Variants in ZNF804A observed in about 807,000 individuals in gnomAD.
The protein encoded by ZNF804A is zinc finger protein 804A.
Under a neutral mutation model 16.5 loss-of-function variants are expected in ZNF804A, and 2 were observed. The ratio of observed to expected loss-of-function variants is 0.12; its 90% confidence interval spans 0.05 to 0.38. The LOEUF (loss-of-function observed/expected upper bound fraction) is 0.38, where lower values mean the gene tolerates loss of function less well. Among genes scored for constraint, ZNF804A ranks in the 10% least tolerant of loss-of-function variants. ZNF804A has a pLI of 0.99. For missense variants in ZNF804A, 1,473 were observed against 1,390.7 expected (o/e 1.06, Z -0.94); for synonymous variants, 534 against 489.6 (o/e 1.09, Z -1.20).
intron 1 of ZNF804A, among the ~76,000 whole-genome samples, chr2:184,612,449 TG>T (rs368901393): frequency 0.036 from 5,322 of 148,602 alleles, 301 homozygotes; most frequent in African/African-American, 0.12. Flanking sequence ...TTTTTTTTTT[TG>T]GGGGGGGGAC....
chr2:184,736,462 A>C (rs1434504571), intron 1 of ZNF804A, among the ~76,000 whole-genome samples: 1 of 152,166 alleles, frequency 6.6e-6, no homozygotes, highest in Non-Finnish European at 1.5e-5. Flanking sequence ...GACGTGGATG[A>C]AGCTGGAAAT....
intron 1 of ZNF804A, among the ~76,000 whole-genome samples, chr2:184,767,027 C>A (rs967783884): frequency 1.3e-5 from 2 of 152,052 alleles, no homozygotes; most frequent in African/African-American, 4.8e-5. Context: ...GAGGACACAG[C>A]GAGAAAGCAG....
chr2:184,853,079 G>A (rs1266808566), intron 1 of ZNF804A, among the ~76,000 whole-genome samples: 1 of 151,806 alleles, frequency 6.6e-6, no homozygotes, highest in Admixed American at 6.6e-5. Context: ...CATGAACACA[G>A]AATATCTTTC....
intron 2 of ZNF804A, among the ~76,000 whole-genome samples, chr2:184,922,383 G>C (rs999028102): frequency 6.6e-6 from 1 of 151,924 alleles, no homozygotes; most frequent in Non-Finnish European, 1.5e-5. Context: ...CTTCCTGTTT[G>C]TCATTTTTAT....
intron 1 of ZNF804A, among the ~76,000 whole-genome samples, chr2:184,783,903 G>A (rs761870154): frequency 2.6e-5 from 4 of 151,894 alleles, no homozygotes; most frequent in South Asian, 2.1e-4. Flanking sequence ...CTCATTCTTC[G>A]GAAGTATTGC....
rs768221564 is a variant in ZNF804A at position 184,938,019 on chromosome 2, T to A, written c.2623T>A (p.Leu875Ile). 2 of 1,613,930 alleles carry A rather than the reference T, an allele frequency of 1.2e-6. No homozygotes were observed. The highest frequency in any genetic ancestry group is 1.7e-6 in the Non-Finnish European group (2 of 1,179,966). Residue 875 changes from leucine to isoleucine, a missense_variant, in exon 4 of 4, where the codon TTA becomes ATA. Leu to Ile is a conservative substitution (Grantham distance 5). Coordinates refer to ENST00000302277, the MANE Select transcript of ZNF804A (RefSeq NM_194250.2). ...IERNSEQTNQ[L>I]RNKLSFHPNN... ...AAGGAACTCAGAACAAACAAACCAA[T>A]TAAGAAACAAACTGTCTTTCCACCC...
chr2:184,881,418 G>A (rs1407083526), intron 2 of ZNF804A, among the ~76,000 whole-genome samples: 1 of 151,824 alleles, frequency 6.6e-6, no homozygotes, highest in African/African-American at 2.4e-5. Flanking sequence ...TGGAAATGCA[G>A]AGAACAAGAT....
intron 2 of ZNF804A, among the ~76,000 whole-genome samples, chr2:184,877,583 A>G (rs895982420): frequency 2.0e-5 from 3 of 152,070 alleles, no homozygotes; most frequent in African/African-American, 7.2e-5. Flanking sequence ...TCTCTGTGGT[A>G]AGAGATAAAT....
intron 1 of ZNF804A, among the ~76,000 whole-genome samples, chr2:184,650,517 G>A (rs779107109): frequency 1.3e-5 from 2 of 151,912 alleles, no homozygotes; most frequent in African/African-American, 2.4e-5. Flanking sequence ...AAGTAGCTAA[G>A]CTGTCTCACT....
chr2:184,653,919 G>A (rs574170416), intron 1 of ZNF804A, among the ~76,000 whole-genome samples: 22 of 152,268 alleles, frequency 1.4e-4, no homozygotes, highest in African/African-American at 4.8e-4. Flanking sequence ...TGCTGGCTGC[G>A]ACCAATGATC....
intron 1 of ZNF804A, among the ~76,000 whole-genome samples, chr2:184,612,263 A>T (rs1164596287): frequency 6.6e-6 from 1 of 152,152 alleles, no homozygotes; most frequent in African/African-American, 2.4e-5. Flanking sequence ...AAAATAGTTG[A>T]AAAATATCTG....
intron 1 of ZNF804A, among the ~76,000 whole-genome samples, chr2:184,626,143 C>T (rs1222422214): frequency 6.6e-6 from 1 of 152,192 alleles, no homozygotes; most frequent in African/African-American, 2.4e-5. Flanking sequence ...GCTGGGATTA[C>T]AGGCATGAGC....
chr2:184,808,906 C>CA (rs1157717180), intron 1 of ZNF804A, among the ~76,000 whole-genome samples: 4 of 151,450 alleles, frequency 2.6e-5, no homozygotes, highest in East Asian at 1.9e-4. Context: ...TATCTTTCTG[C>CA]AAAAAAACAA....
intron 2 of ZNF804A, among the ~76,000 whole-genome samples, chr2:184,907,138 C>T (rs1448991903): frequency 6.6e-6 from 1 of 152,194 alleles, no homozygotes; most frequent in Non-Finnish European, 1.5e-5. Context: ...GGAGAGAACA[C>T]AGCCACTGTG....
chr2:184,837,144 A>G (rs1186054753), intron 1 of ZNF804A, among the ~76,000 whole-genome samples: 1 of 151,972 alleles, frequency 6.6e-6, no homozygotes, highest in Non-Finnish European at 1.5e-5. Context: ...TACATTACTT[A>G]TATTACTAGG....
At chr2:184,887,539 GA>G (rs1265394088) in intron 2 of ZNF804A, among the ~76,000 whole-genome samples, 3 of 152,186 alleles carry the variant, frequency 2.0e-5, no homozygotes, top group African/African-American at 7.2e-5. Context: ...TACTGGGAAG[GA>G]AAAGAGGTTT....
At chr2:184,764,605 T>C (rs1162080754) in intron 1 of ZNF804A, among the ~76,000 whole-genome samples, 1 of 152,196 alleles carries the variant, frequency 6.6e-6, no homozygotes, top group Admixed American at 6.5e-5. Flanking sequence ...TATGATTCCC[T>C]TCCCTTCTTT....
At chr2:184,928,331 G>A (rs533951206) in intron 2 of ZNF804A, among the ~76,000 whole-genome samples, 9 of 151,992 alleles carry the variant, frequency 5.9e-5, no homozygotes, top group Non-Finnish European at 7.4e-5. Context: ...TCTTTCCTGC[G>A]GTGAGTGAGA....
At chr2:184,619,844 T>C (rs1427606022) in intron 1 of ZNF804A, among the ~76,000 whole-genome samples, 1 of 151,908 alleles carries the variant, frequency 6.6e-6, no homozygotes, top group Non-Finnish European at 1.5e-5. Flanking sequence ...AGCAGAGAAG[T>C]CAGTTAATTA....
Sources: gnomAD v4.1 joint callset for allele counts (sites outside exome capture counted in the v4.1 genomes callset) on GRCh38, gnomAD v4.1.1 for gene constraint, MANE v1.5 for transcripts, NCBI Gene and HGNC (gene_info 2026-07-23, HGNC 2026-07-21) for gene names.